Variants in ABCC2 observed in about 807,000 individuals in gnomAD.
ABCC2 encodes ATP binding cassette subfamily C member 2.
Under a neutral mutation model 173.4 loss-of-function variants are expected in ABCC2, and 157 were observed. The observed-to-expected ratio is 0.91, with a 90% CI of 0.80 to 1.03. ABCC2 has a LOEUF of 1.03. ABCC2 is among the 50% of genes least tolerant of loss of function. The probability of loss-of-function intolerance (pLI) is 0.00; values close to 1 mark genes in which losing one functional copy is unlikely to be tolerated. For synonymous variants in ABCC2, 657 were observed against 693.5 expected, an observed-to-expected ratio of 0.95 and a Z score of 0.83; for missense variants, 1,822 against 1,852.3, an observed-to-expected ratio of 0.98 and a Z score of 0.30.
At chr10:99,793,450 C>G in intron 3 of ABCC2, 101 bp from the exon 4 acceptor site, 1 of 1,543,664 alleles carries the variant, frequency 6.5e-7, no homozygotes, top group Non-Finnish European at 8.9e-7. Flanking sequence ...ACAGTCTCCT[C>G]CCTCAGCCCT....
At chr10:99,846,434 T>C (rs2039018643) in intron 29 of ABCC2, among the ~76,000 whole-genome samples, 1 of 150,682 alleles carries the variant, frequency 6.6e-6, no homozygotes, top group Non-Finnish European at 1.5e-5. Flanking sequence ...CTCATGCAGC[T>C]GTACTATTCT....
chr10:99,813,079 A>T lies in ABCC2; in HGVS notation c.2029A>T (p.Lys677Ter). ...TGTGATAGGCCCTGTCGGCTCTGGG[A>T]AATCCTCCTTGATATCAGCCATGCT... ...VAVIGPVGSG[K>*]SSLISAMLGE... The change falls in exon 16 of 32, where the codon AAA becomes TAA. Residue 677 changes from lysine (K) to a stop codon, truncating the protein, a stop_gained. Transcript: ENST00000647814. LOFTEE classifies it high-confidence loss of function. 4 of 1,614,070 alleles carry T rather than the reference A, an allele frequency of 2.5e-6. No homozygotes were observed. Among genetic ancestry groups the T allele is most frequent in the Non-Finnish European group, 3.4e-6 (4 of 1,179,940 alleles).
chr10:99,810,063 C>T (rs1240607023), intron 13 of ABCC2, 71 bp from the exon 14 acceptor site: 2 of 1,444,180 alleles, frequency 1.4e-6, no homozygotes, highest in East Asian at 2.3e-5. Flanking sequence ...GGACTAACGA[C>T]AAAGTCAAAA....
rs773481078 is a variant in ABCC2, at chr10:99,800,439, T to C, written c.1085T>C (p.Leu362Pro). 5.0e-6 allele frequency: 8 copies of C among 1,614,186 alleles called. No homozygotes were observed. The highest frequency in any genetic ancestry group is 6.8e-6 in the Non-Finnish European group (8 of 1,180,032). Residue 362 changes from leucine to proline, a missense_variant, in exon 9 of 32, where the codon CTC (leucine) becomes CCC (proline). Physicochemically the swap from Leu to Pro is moderately conservative, Grantham distance 98. Transcript: ENST00000647814. ...DRDTYLWIGY[L>P]CAILLFTAAL... ...GACACATATTTGTGGATTGGATATC[T>C]CTGTGCAATCCTCTTATTCACTGCG...
At chr10:99,817,236 CAG>C in intron 16 of ABCC2, 70 bp from the exon 17 acceptor site, 4 of 1,469,848 alleles carry the variant, frequency 2.7e-6, no homozygotes, top group Non-Finnish European at 3.8e-6. Context: ...TTCCCCTCTC[CAG>C]CCACCCCGTC....
rs1004266017 is a variant in ABCC2 at position 99,819,176 on chromosome 10, G to T, written c.2527G>T (p.Gly843Ter). 6.2e-7 allele frequency: 1 copy of T among 1,613,998 alleles called. No homozygotes were observed. Among genetic ancestry groups the T allele is most frequent in the Non-Finnish European group, 8.5e-7 (1 of 1,179,986 alleles). Residue 843 changes from glycine (G) to a stop codon, truncating the protein, a stop_gained, in exon 19 of 32, where the codon GGA becomes TGA. Transcript: ENST00000647814. LOFTEE classifies it high-confidence loss of function. Reference sequence around the variant, plus strand: ...GGGGAATGGAACAATTGTAGAGAAAGGATCCTACAGTGCTCTCCTGGCCAA... The same window carrying T: ...GGGGAATGGAACAATTGTAGAGAAATGATCCTACAGTGCTCTCCTGGCCAA... ...VLGNGTIVEK[G>*]SYSALLAKKG...
rs563253652 is a variant in ABCC2, at chr10:99,845,571, T to C, written c.3988-53T>C. On this transcript the variant is annotated intron_variant, in intron 28 of 31. Transcript: ENST00000647814. The stretch of plus-strand genomic sequence containing the variant: ...ACTGTGAATGCCCAGGCTAAATAAC[T>C]TTTCCCCAAGAATTATTTGTGGAAC... 5 of 1,608,644 alleles carry C rather than the reference T, an allele frequency of 3.1e-6. No individual in the cohort carries two copies. The South Asian group carries it at 5.5e-5, about 18-fold the overall frequency.
rs1309751513 is a variant in ABCC2, at chr10:99,782,768, T to C, written c.-77T>C. ...GTAGATAATTCCTGTTCCACTTTCTTTGATGAAACAAGTAAAGAAGAAACA... is the reference window on the plus strand; with the variant it reads ...GTAGATAATTCCTGTTCCACTTTCTCTGATGAAACAAGTAAAGAAGAAACA... On this transcript the variant is annotated 5_prime_UTR_variant, in exon 1 of 32. Coordinates refer to ENST00000647814, the MANE Select transcript of ABCC2 (RefSeq NM_000392.5). The C allele has an allele frequency of 5.3e-6, 8 of 1,513,012 alleles. No homozygotes were observed. In the Admixed American group the frequency reaches 1.0e-4, roughly 19 times the overall value. 93.7% of individuals were successfully genotyped at this position (1,513,012 alleles called of 1,614,324 possible).
rs1196486463 is a variant in ABCC2, at chr10:99,805,442, A to G, written c.1525A>G (p.Ile509Val). 1 of 1,613,980 alleles carries G rather than the reference A, an allele frequency of 6.2e-7. No homozygotes were observed. The highest frequency in any genetic ancestry group is 1.1e-5 in the South Asian group (1 of 91,072). The change falls in exon 11 of 32, where the codon ATC (isoleucine) becomes GTC (valine). Residue 509 changes from isoleucine to valine, a missense_variant. Coordinates refer to ENST00000647814, the MANE Select transcript of ABCC2 (RefSeq NM_000392.5). ...LKIMNEILSG[I>V]KILKYFAWEP... is the part of the protein sequence containing the mutation. ...GATCATGAATGAGATTCTTAGTGGA[A>G]TCAAGGTGAGAATCTGAGCGTAGGT...
chr10:99,815,337 G>A (rs979455453), intron 16 of ABCC2, among the ~76,000 whole-genome samples: 1 of 151,958 alleles, frequency 6.6e-6, no homozygotes, highest in Non-Finnish European at 1.5e-5. Flanking sequence ...TCTTTATCCA[G>A]TCTATCATTG....
At chr10:99,792,541 G>C (rs768265527) in intron 3 of ABCC2, among the ~76,000 whole-genome samples, 182 bp downstream of exon 3, 1 of 152,226 alleles carries the variant, frequency 6.6e-6, no homozygotes, top group East Asian at 1.9e-4. Context: ...CTTCATTTGA[G>C]CATTAATGTA....
rs766399139 is a variant in ABCC2 at position 99,832,064 on chromosome 10, T to A, written c.3191T>A (p.Ile1064Asn). The change falls in exon 23 of 32, where the codon ATC (isoleucine) becomes AAC (asparagine). Residue 1064 changes from isoleucine (I) to asparagine (N), a missense_variant. Physicochemically the swap from Ile to Asn is moderately radical, Grantham distance 149. Coordinates refer to ENST00000647814, the MANE Select transcript of ABCC2 (RefSeq NM_000392.5). The part of the protein sequence containing the change: ...NILHKQLLNN[I>N]LRAPMRFFDT... ...TTGCACAAGCAACTGCTGAACAATA[T>A]CCTTCGAGCACCTATGAGATTTTTT... The A allele has an allele frequency of 6.2e-7, 1 of 1,614,234 alleles. No homozygotes were observed. Among genetic ancestry groups the A allele is most frequent in the Non-Finnish European group, 8.5e-7 (1 of 1,180,032 alleles).
Position 99,831,772 on chromosome 10 carries a change from T to C in ABCC2, c.3045T>C (p.Tyr1015=), listed in dbSNP as rs1337423280. The C allele has an allele frequency of 5.6e-6, 9 of 1,614,106 alleles. No individual in the cohort carries two copies. The highest frequency in any genetic ancestry group is 4.0e-5 in the African/African-American group (3 of 74,940). The change falls in exon 22 of 32, where the codon TAT becomes TAC. Residue 1015 remains tyrosine, a synonymous_variant. Transcript: ENST00000647814. ...SDSKIFNSTD[Y]PASQRDMRVG... is the part of the protein sequence containing the mutation. The stretch of plus-strand genomic sequence containing the variant: ...CTAAAATCTTCAATAGCACCGACTA[T>C]CCAGCATCTCAGAGGGACATGAGAG...
At position 99,844,004 on chromosome 10, in the gene ABCC2, G is replaced by A. The variant is rs1008044697; in HGVS notation, c.3843+104G>A. ...TCCATATTTTACATGGGCCCATAAT[G>A]GGTCCCTAAAGTTTCCTTTCCTCTA... On this transcript the variant is annotated intron_variant, in intron 27 of 31. Coordinates refer to ENST00000647814, the MANE Select transcript of ABCC2 (RefSeq NM_000392.5). 1.4e-5 allele frequency: 14 copies of A among 1,028,942 alleles called. No homozygotes were observed. In the African/African-American group the frequency reaches 1.7e-4, roughly 13 times the overall value. The allele number at this position is 1,028,942 out of a possible 1,614,324, so 63.7% of individuals were successfully genotyped here. A position where few individuals can be genotyped will look rare whatever the true frequency, so the allele number is the denominator to read the frequency against.
chr10:99,840,701 G>C (rs558575703), intron 25 of ABCC2, among the ~76,000 whole-genome samples: 1 of 152,120 alleles, frequency 6.6e-6, no homozygotes, highest in East Asian at 1.9e-4. Flanking sequence ...GTTTTTAGTA[G>C]AGAAGGGGTT....
intron 16 of ABCC2, among the ~76,000 whole-genome samples, chr10:99,814,756 CACACACATATATGTGTGTGTATGTATAT>C (rs1300733004): frequency 2.0e-4 from 26 of 131,342 alleles, no homozygotes; most frequent in African/African-American, 7.9e-4. Flanking sequence ...TATGTATATA[CACACACATATATGTGTGTGTATGTATAT>C]ACACACACAC....
At chr10:99,795,514 C>T (rs2037885222) in intron 6 of ABCC2, among the ~76,000 whole-genome samples, 1 of 151,784 alleles carries the variant, frequency 6.6e-6, no homozygotes, top group Admixed American at 6.6e-5. Flanking sequence ...GCCTGGCCAA[C>T]ATGGTGAAAC....
chr10:99,844,367 A>C lies in ABCC2; in HGVS notation c.3889A>C (p.Lys1297Gln). The stretch of plus-strand genomic sequence containing the variant: ...GAGGCCTCCGCCAGATTGGCCCAGC[A>C]AAGGCAAGATCCAGTTTAACAACTA... ...DKRPPPDWPSKGKIQFNNYQV... is the reference protein window; with the variant it reads ...DKRPPPDWPSQGKIQFNNYQV... The change falls in exon 28 of 32, where the codon AAA (lysine) becomes CAA (glutamine). Residue 1297 changes from lysine (K) to glutamine (Q), a missense_variant. By Grantham distance (53) the Lys-to-Gln change is moderately conservative (BLOSUM62 1). Transcript: ENST00000647814. 1 of 1,614,198 alleles carries C rather than the reference A, an allele frequency of 6.2e-7. No homozygotes were observed. The highest frequency in any genetic ancestry group is 2.2e-5 in the East Asian group (1 of 44,878).
At chr10:99,835,524 C>T (rs1230289726) in intron 24 of ABCC2, among the ~76,000 whole-genome samples, 1 of 152,082 alleles carries the variant, frequency 6.6e-6, no homozygotes, top group African/African-American at 2.4e-5. Context: ...TGGATTCTAC[C>T]CTGTTCCAGT....
Sources: allele counts gnomAD v4.1 joint callset (sites outside exome capture counted in the v4.1 genomes callset), GRCh38; gene constraint gnomAD v4.1.1; transcripts MANE v1.5; gene names NCBI Gene and HGNC (gene_info 2026-07-23, HGNC 2026-07-21).